LAMC3: variants seen among roughly 807,000 people sequenced by gnomAD.
LAMC3 encodes the protein laminin subunit gamma-3.
A neutral mutation model predicts 173.8 loss-of-function variants in LAMC3; 128 were observed. That is an observed-to-expected ratio of 0.74 (90% confidence interval 0.64 to 0.85). The LOEUF is 0.85. Among genes scored for constraint, LAMC3 ranks in the 40% least tolerant of loss-of-function variants. The pLI is 0.00. For synonymous variants in LAMC3, 897 were observed against 909.1 expected (o/e 0.99, Z 0.24); for missense variants, 2,022 against 2,156.0 (o/e 0.94, Z 1.23).
intron 27 of LAMC3, 127 bp from the exon 28 acceptor site, chr9:131,091,409 TC>T: frequency 1.5e-6 from 2 of 1,294,538 alleles, no homozygotes; most frequent in Non-Finnish European, 2.2e-6. Context: ...TCCCCATCTT[TC>T]CCTGGTGGAT....
In LAMC3 at chr9:131,009,620, C is replaced by T; in HGVS notation, c.373+33C>T. 6.4e-7 allele frequency: 1 copy of T among 1,552,810 alleles called. No individual in the cohort carries two copies. Among genetic ancestry groups the T allele is most frequent in the Non-Finnish European group, 8.7e-7 (1 of 1,150,726 alleles). ...CGGGCTGGGGGCACCGCCACCGCACCCCGTGTCCCCACTCCACTGGGGGTC... is the reference window on the plus strand; with the variant it reads ...CGGGCTGGGGGCACCGCCACCGCACTCCGTGTCCCCACTCCACTGGGGGTC... On this transcript the variant is annotated intron_variant, in intron 1 of 27. Transcript: ENST00000361069. The surrounding 1 kb of genome is among the most constrained non-coding windows in gnomAD (Gnocchi z 4.3).
intron 1 of LAMC3, among the ~76,000 whole-genome samples, chr9:131,016,879 G>A (rs966247828): frequency 2.0e-5 from 3 of 152,156 alleles, no homozygotes; most frequent in Admixed American, 1.3e-4. Context: ...CATTTTCCCA[G>A]TATTCTCTCA....
At chr9:131,047,207 C>T (rs1163081178) in intron 8 of LAMC3, among the ~76,000 whole-genome samples, 2 of 104,104 alleles carry the variant, frequency 1.9e-5, no homozygotes, top group African/African-American at 6.5e-5. Flanking sequence ...CTGTGTTGCC[C>T]AGGCTGGAGT....
intron 16 of LAMC3, 118 bp from the exon 17 acceptor site, chr9:131,069,554 C>T: frequency 9.8e-7 from 1 of 1,015,378 alleles, no homozygotes; most frequent in Non-Finnish European, 1.5e-6. Flanking sequence ...TTGATGCTGC[C>T]TAGGGCATTC....
At position 131,039,164 on chromosome 9, in the gene LAMC3, C is replaced by T. The variant is rs745510048; in HGVS notation, c.1199C>T (p.Thr400Ile). 8.7e-6 allele frequency: 14 copies of T among 1,611,070 alleles called. No individual in the cohort carries two copies. Among genetic ancestry groups the T allele is most frequent in the Middle Eastern group, 1.6e-4 (1 of 6,084 alleles). Residue 400 changes from threonine to isoleucine, a missense_variant, in exon 6 of 28, where the codon ACC becomes ATC. Coordinates refer to ENST00000361069, the MANE Select transcript of LAMC3 (RefSeq NM_006059.4). Reference protein sequence around the residue: ...SLHLQCDDTGTCACKPTVTGW... With the variant: ...SLHLQCDDTGICACKPTVTGW... ...CACCTCCAGTGCGATGACACAGGCA[C>T]CTGCGCCTGCAAGCCCACGGTGACT...
intron 12 of LAMC3, among the ~76,000 whole-genome samples, chr9:131,060,324 CAG>C (rs1472546554): frequency 3.3e-5 from 5 of 152,112 alleles, no homozygotes; most frequent in African/African-American, 1.2e-4. Context: ...CCTTTTGGTT[CAG>C]AGAGAGGTTT....
At chr9:131,050,087 T>C (rs1002996003) in intron 9 of LAMC3, among the ~76,000 whole-genome samples, 1 of 152,180 alleles carries the variant, frequency 6.6e-6, no homozygotes, top group Admixed American at 6.5e-5. Context: ...GGGCAGGCGC[T>C]CCAAGCTCAG....
chr9:131,047,139 CA>C (rs1207458377), intron 8 of LAMC3, among the ~76,000 whole-genome samples: 11 of 142,166 alleles, frequency 7.7e-5, no homozygotes, highest in Non-Finnish European at 1.5e-4. Context: ...CAGGAGTTCT[CA>C]AAACTTTTTG....
At chr9:131,072,965 G>T in intron 19 of LAMC3, 130 bp downstream of exon 19, 1 of 876,220 alleles carries the variant, frequency 1.1e-6, no homozygotes, top group South Asian at 1.4e-5. Flanking sequence ...TCTGCAAAGT[G>T]GGGATCACAC....
At chr9:131,032,516 CTCTT>C in intron 3 of LAMC3, among the ~76,000 whole-genome samples, 1 of 150,052 alleles carries the variant, frequency 6.7e-6, no homozygotes, top group Non-Finnish European at 1.5e-5. Context: ...CGCTCTCTCT[CTCTT>C]GCTCTCTCTC....
intron 20 of LAMC3, among the ~76,000 whole-genome samples, chr9:131,074,449 A>C (rs1161045772): frequency 6.6e-6 from 1 of 151,972 alleles, no homozygotes; most frequent in Admixed American, 6.6e-5. Flanking sequence ...TAATCCCAGC[A>C]CTTTGGGAGG....
intron 12 of LAMC3, among the ~76,000 whole-genome samples, chr9:131,060,317 T>G (rs10901336): frequency 0.61 from 92,576 of 151,992 alleles, 29,418 homozygotes; most frequent in Non-Finnish European, 0.7. Context: ...CATGTCACCT[T>G]TTGGTTCAGA....
chr9:131,083,911 G>T (rs1830284594), intron 24 of LAMC3, among the ~76,000 whole-genome samples: 1 of 106,360 alleles, frequency 9.4e-6, no homozygotes, highest in African/African-American at 3.7e-5. Context: ...GTCTCGCTCT[G>T]TTGCCTAGGC....
chr9:131,071,665 G>GA, intron 18 of LAMC3, 40 bp downstream of exon 18: 1 of 1,512,876 alleles, frequency 6.6e-7, no homozygotes, highest in Non-Finnish European at 8.8e-7. Flanking sequence ...GGAGGCAAGG[G>GA]GAGGCCCCCA....
rs773793877 is a variant in LAMC3, at chr9:131,032,120, C to T, written c.754C>T (p.Pro252Ser). 6.2e-7 allele frequency: 1 copy of T among 1,614,068 alleles called. No homozygotes were observed. Among genetic ancestry groups the T allele is most frequent in the East Asian group, 2.2e-5 (1 of 44,880 alleles). Reference sequence around the variant, plus strand: ...GTTTGGGGACGACATCTTCAAGGACCCCAAGGTGCTCCAGTCCTACTATTA... The same window carrying T: ...GTTTGGGGACGACATCTTCAAGGACTCCAAGGTGCTCCAGTCCTACTATTA... ...NTFGDDIFKDPKVLQSYYYAV... is the reference protein window; with the variant it reads ...NTFGDDIFKDSKVLQSYYYAV... The change falls in exon 3 of 28, where the codon CCC becomes TCC. Residue 252 changes from proline to serine, a missense_variant. Coordinates refer to ENST00000361069, the MANE Select transcript of LAMC3 (RefSeq NM_006059.4).
At chr9:131,028,698 C>T (rs1833773314) in intron 2 of LAMC3, among the ~76,000 whole-genome samples, 1 of 152,186 alleles carries the variant, frequency 6.6e-6, no homozygotes. Flanking sequence ...CAGAAGGGAC[C>T]AACCAGGCTC....
chr9:131,069,783 T>A lies in LAMC3; in HGVS notation c.3002T>A (p.Phe1001Tyr). Residue 1001 changes from phenylalanine (F) to tyrosine (Y), a missense_variant, in exon 17 of 28, where the codon TTC becomes TAC. Physicochemically the swap from Phe to Tyr is conservative, Grantham distance 22. Coordinates refer to ENST00000361069, the MANE Select transcript of LAMC3 (RefSeq NM_006059.4). ...AAATGTGACCGCTGCCACGACAACT[T>A]CTTCCTCACGGCAGACGGCACACAC... ...GYKCDRCHDN[F>Y]FLTADGTHCQ... 6.3e-7 allele frequency: 1 copy of A among 1,595,546 alleles called. No individual in the cohort carries two copies. The highest frequency in any genetic ancestry group is 8.5e-7 in the Non-Finnish European group (1 of 1,171,196).
chr9:131,035,821 C>T (rs780253006), intron 3 of LAMC3, among the ~76,000 whole-genome samples: 4 of 152,172 alleles, frequency 2.6e-5, no homozygotes, highest in Non-Finnish European at 4.4e-5. Context: ...CTTCCTGGGT[C>T]CCTCTCAGCC....
intron 1 of LAMC3, among the ~76,000 whole-genome samples, chr9:131,024,659 G>C (rs892060634): frequency 6.6e-6 from 1 of 152,204 alleles, no homozygotes; most frequent in Non-Finnish European, 1.5e-5. Context: ...CAACGGTAGA[G>C]ATGCAGGAGG....
Sources: allele counts gnomAD v4.1 joint callset (sites outside exome capture counted in the v4.1 genomes callset), GRCh38; gene constraint gnomAD v4.1.1; non-coding constraint Gnocchi (gnomAD v3.1); transcripts MANE v1.5; gene names NCBI Gene and HGNC (gene_info 2026-07-23, HGNC 2026-07-21).